AKT3: variants seen among roughly 807,000 people sequenced by gnomAD.
AKT3 encodes RAC-gamma serine/threonine-protein kinase.
A neutral mutation model predicts 65.3 loss-of-function variants in AKT3; 15 were observed. That is an observed-to-expected ratio of 0.23 (90% confidence interval 0.15 to 0.35). The LOEUF is 0.35. Ranked by LOEUF, AKT3 falls within the 10% of genes least tolerant of loss-of-function variation. The pLI, the probability that AKT3 is intolerant of heterozygous loss-of-function variation, is 1.00. For missense variants in AKT3, 243 were observed against 576.5 expected (o/e 0.42, Z 5.92); for synonymous variants, 206 against 183.8 (o/e 1.12, Z -0.98).
intron 4 of AKT3, among the ~76,000 whole-genome samples, chr1:243,648,894 A>G (rs963869415): frequency 2.0e-5 from 3 of 149,854 alleles, no homozygotes; most frequent in Admixed American, 6.6e-5. Context: ...ATTCTCTACT[A>G]TTTTTCTGTT....
intron 12 of AKT3, among the ~76,000 whole-genome samples, chr1:243,530,304 T>C (rs1467877317): frequency 6.6e-6 from 1 of 152,108 alleles, no homozygotes; most frequent in South Asian, 2.1e-4. Flanking sequence ...TTTAAAAACC[T>C]GAAATCATAC....
intron 13 of AKT3, among the ~76,000 whole-genome samples, chr1:243,506,319 T>A (rs1457073153): frequency 6.6e-6 from 1 of 152,232 alleles, no homozygotes; most frequent in Non-Finnish European, 1.5e-5. Context: ...AATCAGTGAA[T>A]CTTTCCAATA....
intron 2 of AKT3, among the ~76,000 whole-genome samples, chr1:243,703,321 C>G (rs1424509240): frequency 6.6e-6 from 1 of 152,042 alleles, no homozygotes; most frequent in African/African-American, 2.4e-5. Flanking sequence ...TATAATAAGA[C>G]ATTTGCAGTA....
At chr1:243,508,891 ACTC>A (rs1415486241) in intron 13 of AKT3, among the ~76,000 whole-genome samples, 2 of 150,466 alleles carry the variant, frequency 1.3e-5, no homozygotes, top group Non-Finnish European at 3.0e-5. Context: ...CTAGTCTCAG[ACTC>A]CTCCTGACCT....
At position 243,648,276 on chromosome 1, in the gene AKT3, G is replaced by GA. The variant is rs1681001729; in HGVS notation, c.285-2240dup. On this transcript the variant is annotated intron_variant, in intron 4 of 13. Coordinates refer to ENST00000673466, the MANE Select transcript of AKT3 (RefSeq NM_005465.7). Reference sequence around the variant, plus strand: ...CCGTCTAAAAAAAAAAAAAAGAAAAGAAAAGAAAAAGAAAATAAAACTGTC... The same window carrying GA: ...CCGTCTAAAAAAAAAAAAAAGAAAAGAAAAAGAAAAAGAAAATAAAACTGTC... 1.3e-5 allele frequency among the ~76,000 whole-genome samples: 2 copies of GA among 149,764 alleles called. 1 individual carries two copies. Among genetic ancestry groups the GA allele is most frequent in the African/African-American group, 4.9e-5 (2 of 40,822 alleles).
intron 9 of AKT3, 109 bp downstream of exon 9, chr1:243,572,817 T>C (rs1674662845): frequency 8.3e-7 from 1 of 1,203,454 alleles, no homozygotes; most frequent in African/African-American, 1.5e-5. Flanking sequence ...AGTGCTTTTT[T>C]CCCAACTAAA....
At chr1:243,572,330 C>A (rs1381228473) in intron 9 of AKT3, among the ~76,000 whole-genome samples, 1 of 152,100 alleles carries the variant, frequency 6.6e-6, no homozygotes, top group African/African-American at 2.4e-5. Flanking sequence ...ACAAAAGAGA[C>A]TATACACGAA....
chr1:243,699,092 A>C (rs766744185), intron 2 of AKT3, among the ~76,000 whole-genome samples: 11 of 152,166 alleles, frequency 7.2e-5, no homozygotes, highest in Non-Finnish European at 1.3e-4. Flanking sequence ...AGAAAGTCCT[A>C]GCTTTTATGA....
At chr1:243,793,552 T>A (rs1052640279) in intron 2 of AKT3, 6 of 152,106 alleles carry the variant, frequency 3.9e-5, no homozygotes, top group African/African-American at 1.5e-4. Context: ...AGTGAGAGGA[T>A]CTCTTGAGGC....
At chr1:243,666,178 A>C (rs747601694) in intron 3 of AKT3, among the ~76,000 whole-genome samples, 19 of 151,780 alleles carry the variant, frequency 1.3e-4, no homozygotes, top group Non-Finnish European at 2.4e-4. Flanking sequence ...TTATTTTTCT[A>C]ATTTTAGTAG....
chr1:243,713,265 G>A (rs950292103), intron 2 of AKT3, among the ~76,000 whole-genome samples: 11 of 152,036 alleles, frequency 7.2e-5, no homozygotes, highest in East Asian at 1.9e-4. Flanking sequence ...CCATCAACAC[G>A]GAGAAATAAG....
At chr1:243,636,313 T>C (rs1480383112) in intron 6 of AKT3, among the ~76,000 whole-genome samples, 1 of 152,118 alleles carries the variant, frequency 6.6e-6, no homozygotes, top group African/African-American at 2.4e-5. Flanking sequence ...TATATTTATC[T>C]ATTCATTTAA....
In AKT3 at chr1:243,664,881, A is replaced by G; in HGVS notation, c.175T>C (p.Cys59Arg). The change falls in exon 4 of 14, where the codon TGC (cysteine) becomes CGC (arginine). Residue 59 changes from cysteine (C) to arginine (R), a missense_variant and splice_region_variant. Coordinates refer to ENST00000673466, the MANE Select transcript of AKT3 (RefSeq NM_005465.7). ...YPLNNFSVAK[C>R]QLMKTERPKP... ...GGTCGTTCTGTTTTCATTAACTGGC[A>G]TTCTAAGAATAAAATAAAATGTTTC... 1 of 1,510,704 alleles carries G rather than the reference A, an allele frequency of 6.6e-7. No individual in the cohort carries two copies. Among genetic ancestry groups the G allele is most frequent in the East Asian group, 2.4e-5 (1 of 41,664 alleles). The allele number at this position is 1,510,704 out of a possible 1,614,324, so 93.6% of individuals were successfully genotyped here. A position where few individuals can be genotyped will look rare whatever the true frequency, so the allele number is the denominator to read the frequency against.
chr1:243,681,568 T>C (rs770086767), intron 3 of AKT3, among the ~76,000 whole-genome samples: 2 of 152,182 alleles, frequency 1.3e-5, no homozygotes, highest in Non-Finnish European at 2.9e-5. Context: ...AGTCTCGCTA[T>C]TATATATAAT....
intron 2 of AKT3, among the ~76,000 whole-genome samples, chr1:243,788,434 G>A (rs1298750457): frequency 6.6e-6 from 1 of 152,094 alleles, no homozygotes; most frequent in Admixed American, 6.5e-5. Context: ...CTGGGTATTC[G>A]TGGGGGGGAC....
intron 4 of AKT3, among the ~76,000 whole-genome samples, chr1:243,660,030 G>A (rs1468383816): frequency 6.6e-6 from 1 of 151,778 alleles, no homozygotes; most frequent in Non-Finnish European, 1.5e-5. Flanking sequence ...TTTTTCTATT[G>A]ATTGGAATAG....
At chr1:243,777,107 AG>A (rs1247565620) in intron 2 of AKT3, among the ~76,000 whole-genome samples, 1 of 151,884 alleles carries the variant, frequency 6.6e-6, no homozygotes, top group Non-Finnish European at 1.5e-5. Context: ...TTTTGGCACC[AG>A]GGACCGGCTT....
intron 5 of AKT3, among the ~76,000 whole-genome samples, chr1:243,643,090 A>G (rs890890893): frequency 1.3e-5 from 2 of 152,172 alleles, no homozygotes; most frequent in Admixed American, 1.3e-4. Context: ...CAACTTCTAC[A>G]TTGGTTACGT....
chr1:243,653,489 C>A (rs1681531755), intron 4 of AKT3, among the ~76,000 whole-genome samples: 1 of 152,208 alleles, frequency 6.6e-6, no homozygotes, highest in African/African-American at 2.4e-5. Flanking sequence ...CTCCCTAACT[C>A]ATTTTATGAG....
Sources: allele counts gnomAD v4.1 joint callset (sites outside exome capture counted in the v4.1 genomes callset), GRCh38; gene constraint gnomAD v4.1.1; transcripts MANE v1.5; gene names NCBI Gene and HGNC (gene_info 2026-07-23, HGNC 2026-07-21).